Variants in TMEM71 observed in about 807,000 individuals in gnomAD.
TMEM71 encodes the protein transmembrane protein 71.
In TMEM71, 44 loss-of-function variants were observed where a neutral mutation model predicts 38.0. The observed-to-expected ratio is 1.16, with a 90% CI of 0.91 to 1.49. TMEM71 has a LOEUF of 1.49. TMEM71 is among the 40% of genes most tolerant of loss of function. The pLI is 0.00. For synonymous variants in TMEM71, 133 were observed against 122.5 expected, an observed-to-expected ratio of 1.09 and a Z score of -0.56; for missense variants, 367 against 348.6, an observed-to-expected ratio of 1.05 and a Z score of -0.42.
At chr8:132,732,883 CACA>C (rs1396537007) in intron 5 of TMEM71, among the ~76,000 whole-genome samples, 1 of 152,140 alleles carries the variant, frequency 6.6e-6, no homozygotes, top group Non-Finnish European at 1.5e-5. Flanking sequence ...GGGCAGGTGC[CACA>C]ACAAGACATT....
chr8:132,766,255 C>A, the TMEM71 span, among the ~76,000 whole-genome samples: 1 of 152,056 alleles, frequency 6.6e-6, no homozygotes, highest in Non-Finnish European at 1.5e-5. Context: ...CTTTTCAGAG[C>A]TGACATCTGA....
intron 3 of TMEM71, among the ~76,000 whole-genome samples, chr8:132,756,411 T>TTA (rs55767264): frequency 0.019 from 2,179 of 115,728 alleles, 36 homozygotes; most frequent in African/African-American, 0.051. Flanking sequence ...AACATATATA[T>TTA]TATATATATA....
chr8:132,717,213 C>CA (rs1826580504), intron 7 of TMEM71, among the ~76,000 whole-genome samples: 1 of 151,182 alleles, frequency 6.6e-6, no homozygotes, highest in African/African-American at 2.4e-5. Context: ...GCACAGACCA[C>CA]AAAAAAAGAA....
At chr8:132,712,821 ACTCCTTT>A (rs1158665222) in intron 9 of TMEM71, among the ~76,000 whole-genome samples, 21 of 151,078 alleles carry the variant, frequency 1.4e-4, no homozygotes, top group African/African-American at 5.1e-4. Context: ...AATGTCATTA[ACTCCTTT>A]TTCTTTTTTC....
the TMEM71 span, among the ~76,000 whole-genome samples, chr8:132,773,080 G>C: frequency 6.6e-6 from 1 of 152,176 alleles, no homozygotes; most frequent in African/African-American, 2.4e-5. Flanking sequence ...TTATAAACAG[G>C]TTTTTCACCT....
intron 6 of TMEM71, 106 bp from the exon 7 acceptor site, chr8:132,722,221 A>G: frequency 1.2e-6 from 1 of 859,602 alleles, no homozygotes. Flanking sequence ...AAAAAAAAAA[A>G]AAGTTTTGGA....
intron 7 of TMEM71, among the ~76,000 whole-genome samples, chr8:132,720,853 G>A (rs1352130330): frequency 1.3e-5 from 2 of 152,148 alleles, no homozygotes; most frequent in African/African-American, 2.4e-5. Context: ...AAATATTGAA[G>A]AACCCCTGGC....
At chr8:132,714,246 T>C (rs1324184018) in intron 7 of TMEM71, 31 bp from the exon 8 acceptor site, 3 of 1,547,922 alleles carry the variant, frequency 1.9e-6, no homozygotes, top group South Asian at 1.1e-5. Context: ...TGATTTAGCA[T>C]ACTAATTGTG....
At chr8:132,766,191 C>T in the TMEM71 span, among the ~76,000 whole-genome samples, 5 of 152,082 alleles carry the variant, frequency 3.3e-5, no homozygotes, top group Non-Finnish European at 5.9e-5. Context: ...CCCTTTCTTG[C>T]GGCAGAGGGA....
At chr8:132,729,022 A>G (rs976167269) in intron 5 of TMEM71, among the ~76,000 whole-genome samples, 5 of 152,250 alleles carry the variant, frequency 3.3e-5, no homozygotes, top group African/African-American at 1.2e-4. Flanking sequence ...TCCTATGATG[A>G]TTCATACATA....
At chr8:132,743,763 A>T (rs1828184042) in intron 5 of TMEM71, among the ~76,000 whole-genome samples, 3 of 152,008 alleles carry the variant, frequency 2.0e-5, no homozygotes, top group Admixed American at 2.0e-4. Context: ...CCATCTTGAC[A>T]TTGTCTCTTG....
At chr8:132,761,157 C>T (rs1035665594), upstream of TMEM71, among the ~76,000 whole-genome samples, 9 of 152,272 alleles carry the variant, frequency 5.9e-5, no homozygotes, top group Admixed American at 1.3e-4. Flanking sequence ...CACATCTGTA[C>T]TACTGTAAGT....
intron 6 of TMEM71, among the ~76,000 whole-genome samples, chr8:132,727,545 C>A (rs111667406): frequency 6.6e-6 from 1 of 152,128 alleles, no homozygotes; most frequent in African/African-American, 2.4e-5. Context: ...CCTGACCTGC[C>A]GTGCCCGGTC....
chr8:132,775,655 G>A, the TMEM71 span: 3 of 338,256 alleles, frequency 8.9e-6, no homozygotes, highest in Non-Finnish European at 1.1e-5. Flanking sequence ...GGTAAGAGGC[G>A]GCGGCGGCTG....
rs71526264 is a variant in TMEM71 at position 132,727,993 on chromosome 8, A to G, written c.488-7T>C. 173,541 of 1,601,276 alleles carry G rather than the reference A, an allele frequency of 0.11. 12,193 individuals are homozygous for G. Among genetic ancestry groups the G allele is most frequent in the East Asian group, 0.41 (18,467 of 44,758 alleles). The stretch of plus-strand genomic sequence containing the variant: ...GAACAGTCTAAATCATCTGCTGAAA[A>G]AGCAGAGGGGTTCAGTGTGAGTGTG... On this transcript the variant is annotated splice_polypyrimidine_tract_variant and splice_region_variant and intron_variant, in intron 5 of 9. Transcript: ENST00000677595.
At chr8:132,753,326 A>C (rs2433058) in intron 3 of TMEM71, among the ~76,000 whole-genome samples, 45,827 of 151,004 alleles carry the variant, frequency 0.3, 7,265 homozygotes, top group Non-Finnish European at 0.33. Context: ...TTTTTTGTGA[A>C]TCAATTAACA....
At chr8:132,773,618 C>T in the TMEM71 span, among the ~76,000 whole-genome samples, 2 of 152,256 alleles carry the variant, frequency 1.3e-5, no homozygotes, top group South Asian at 2.1e-4. Flanking sequence ...GATTTAACTC[C>T]AGGCTGACCA....
chr8:132,727,206 G>T (rs1827193692), intron 6 of TMEM71, among the ~76,000 whole-genome samples: 1 of 151,226 alleles, frequency 6.6e-6, no homozygotes, highest in Admixed American at 6.6e-5. Flanking sequence ...AAACATCTGT[G>T]TATCTTCCAC....
intron 3 of TMEM71, among the ~76,000 whole-genome samples, chr8:132,756,423 A>G (rs1010858920): frequency 7.7e-5 from 11 of 143,260 alleles, no homozygotes; most frequent in African/African-American, 2.8e-4. Context: ...ATATATATAT[A>G]TATATATATA....
Sources: gnomAD v4.1 joint callset for allele counts (sites outside exome capture counted in the v4.1 genomes callset) on GRCh38, gnomAD v4.1.1 for gene constraint, MANE v1.5 for transcripts, NCBI Gene and HGNC (gene_info 2026-07-23, HGNC 2026-07-21) for gene names.